Variants in TRPC4 observed in about 807,000 individuals in gnomAD.
The protein encoded by TRPC4 is short transient receptor potential channel 4.
TRPC4 carries 49 observed loss-of-function variants against 99.4 expected under a neutral mutation model. The observed-to-expected ratio is 0.49, with a 90% CI of 0.39 to 0.63. The LOEUF (loss-of-function observed/expected upper bound fraction) is 0.63, where lower values mean the gene tolerates loss of function less well. Ranked by LOEUF, TRPC4 falls within the 20% of genes least tolerant of loss-of-function variation. The pLI is 0.00. For synonymous variants in TRPC4, 454 were observed against 425.9 expected (o/e 1.07, Z -0.81); for missense variants, 898 against 1,152.9 (o/e 0.78, Z 3.20).
chr13:37,777,498 A>G (rs564511353), intron 2 of TRPC4, among the ~76,000 whole-genome samples: 4 of 151,968 alleles, frequency 2.6e-5, no homozygotes, highest in Admixed American at 2.6e-4. Flanking sequence ...ATCACTTTTC[A>G]CCAGCTCCCA....
chr13:37,785,423 C>T (rs1956943476), intron 1 of TRPC4, among the ~76,000 whole-genome samples: 1 of 152,090 alleles, frequency 6.6e-6, no homozygotes, highest in African/African-American at 2.4e-5. Context: ...TATTCAATTT[C>T]AGCATTATGC....
intron 10 of TRPC4, 46 bp downstream of exon 10, chr13:37,638,994 A>G (rs1481933319): frequency 6.3e-7 from 1 of 1,586,514 alleles, no homozygotes; most frequent in South Asian, 1.1e-5. Flanking sequence ...ATCTGGATCC[A>G]TATTCTGCAC....
Position 37,651,413 on chromosome 13 carries a change from A to G in TRPC4, c.1931T>C (p.Met644Thr). Residue 644 changes from methionine (M) to threonine (T), a missense_variant, in exon 8 of 11, where the codon ATG (methionine) becomes ACG (threonine). Met to Thr is a moderately conservative substitution (Grantham distance 81). Around this residue, in one of 3 missense-constraint regions of TRPC4, gnomAD observed 274 missense variants for 454.9 expected, o/e 0.60. Transcript: ENST00000379705. ...EWKFARTKLW[M>T]SYFEEGGTLP... is the part of the protein sequence containing the mutation. ...AGTACCTCCTTCTTCAAAATAACTC[A>G]TCCAAAGCTTTGTTCGTGCAAATTT... 2 of 1,614,044 alleles carry G rather than the reference A, an allele frequency of 1.2e-6. No individual in the cohort carries two copies. The highest frequency in any genetic ancestry group is 1.7e-6 in the Non-Finnish European group (2 of 1,179,958).
In TRPC4 at chr13:37,708,037, C is replaced by T. The variant is rs190306539; in HGVS notation, c.898-15702G>A. On this transcript the variant is annotated intron_variant, in intron 3 of 10. Transcript: ENST00000379705. ...TAACAGTCCTCATGTCTTCCAGCTT[C>T]AACGCCAGCACTCTTTCTCTCCTAA... Among the ~76,000 whole-genome samples the T allele has an allele frequency of 9.2e-5, 14 of 152,146 alleles. No individual in the cohort carries two copies. In the East Asian group the frequency reaches 2.7e-3, roughly 29 times the overall value.
chr13:37,666,547 C>T (rs1216567584), intron 5 of TRPC4, among the ~76,000 whole-genome samples: 3 of 152,166 alleles, frequency 2.0e-5, no homozygotes, highest in Non-Finnish European at 4.4e-5. Flanking sequence ...TAACTATAGT[C>T]ATCATTTAAC....
chr13:37,851,870 T>G (rs1593319001), intron 1 of TRPC4, among the ~76,000 whole-genome samples: 1 of 152,208 alleles, frequency 6.6e-6, no homozygotes. Context: ...TTGAACTCAG[T>G]GCTGCCCTGC....
At position 37,637,573 on chromosome 13, in the gene TRPC4, C is replaced by A; in HGVS notation, c.2264G>T (p.Arg755Ile). The A allele has an allele frequency of 6.2e-7, 1 of 1,611,122 alleles. No homozygotes were observed. The highest frequency in any genetic ancestry group is 8.5e-7 in the Non-Finnish European group (1 of 1,179,028). ...TTGTATTGTGGAAAGTTTGCTTCCTCTTAGTAATCCCAGGACTTCAAAGCG... is the reference window on the plus strand; with the variant it reads ...TTGTATTGTGGAAAGTTTGCTTCCTATTAGTAATCCCAGGACTTCAAAGCG... ...SFRFEVLGLL[R>I]GSKLSTIQSA... The change falls in exon 11 of 11, where the codon AGA becomes ATA. Residue 755 changes from arginine (R) to isoleucine (I), a missense_variant. Coordinates refer to ENST00000379705, the MANE Select transcript of TRPC4 (RefSeq NM_016179.4).
chr13:37,797,711 G>T (rs1957295929), intron 1 of TRPC4, among the ~76,000 whole-genome samples: 5 of 152,084 alleles, frequency 3.3e-5, no homozygotes, highest in Admixed American at 3.3e-4. Context: ...CTTTATAAAG[G>T]TTCATTATGC....
intron 1 of TRPC4, among the ~76,000 whole-genome samples, chr13:37,822,583 C>T (rs1447433508): frequency 3.3e-5 from 5 of 151,662 alleles, no homozygotes; most frequent in African/African-American, 1.2e-4. Context: ...ATCCATGTCC[C>T]TACAAAGGAC....
intron 2 of TRPC4, among the ~76,000 whole-genome samples, chr13:37,768,463 A>G (rs1333330531): frequency 6.6e-6 from 1 of 151,464 alleles, no homozygotes; most frequent in African/African-American, 2.4e-5. Context: ...TTTCACAACT[A>G]AAGAAAATAT....
chr13:37,692,096 C>T lies in TRPC4; in HGVS notation c.1137G>A (p.Leu379=), dbSNP rs758548956. 6.2e-7 allele frequency: 1 copy of T among 1,614,058 alleles called. No homozygotes were observed. The highest frequency in any genetic ancestry group is 1.1e-5 in the South Asian group (1 of 91,080). Residue 379 remains leucine, a synonymous_variant, in exon 4 of 11, where the codon CTG becomes CTA. Transcript: ENST00000379705. ...HTASYLTFLF[L]LLLASQHIDR... is the part of the protein sequence containing the mutation. ...CGATGTGCTGAGAGGCAAGCAGCAG[C>T]AGGAACAAAAAAGTCAAATAGGAGG...
At chr13:37,752,002 A>T (rs1271134397) in intron 2 of TRPC4, among the ~76,000 whole-genome samples, 2 of 144,654 alleles carry the variant, frequency 1.4e-5, no homozygotes, top group Non-Finnish European at 3.0e-5. Flanking sequence ...ACTTTCCAAA[A>T]TCTCAGGGTA....
chr13:37,828,052 C>T (rs1958299806), intron 1 of TRPC4, among the ~76,000 whole-genome samples: 1 of 152,214 alleles, frequency 6.6e-6, no homozygotes, highest in Admixed American at 6.5e-5. Context: ...CCGTCCGTCA[C>T]CCCTTTCTTT....
intron 3 of TRPC4, among the ~76,000 whole-genome samples, chr13:37,745,290 C>A (rs573806582): frequency 6.6e-6 from 1 of 151,356 alleles, no homozygotes; most frequent in African/African-American, 2.4e-5. Flanking sequence ...GTTGGCCCTA[C>A]GGGACCCATG....
chr13:37,742,235 G>T (rs1173460398), intron 3 of TRPC4, among the ~76,000 whole-genome samples: 1 of 152,106 alleles, frequency 6.6e-6, no homozygotes, highest in African/African-American at 2.4e-5. Flanking sequence ...TGAGATTAGA[G>T]AAGTACCAGA....
rs1406114869 is a variant in TRPC4 at position 37,802,096 on chromosome 13, C to T, written c.-27-18736G>A. ...CTAGAAACTGGGTTTAAAATACTTT[C>T]ACTGTTTTCTTTAACTTTTTATTTT... is the stretch of plus-strand genomic sequence containing the variant. On this transcript the variant is annotated intron_variant, in intron 1 of 10. Transcript: ENST00000379705. Among the ~76,000 whole-genome samples the T allele has an allele frequency of 2.0e-5, 3 of 152,086 alleles. No individual in the cohort carries two copies. The East Asian group carries it at 5.8e-4, about 29-fold the overall frequency.
intron 1 of TRPC4, among the ~76,000 whole-genome samples, chr13:37,798,841 T>C (rs1000698096): frequency 6.6e-6 from 1 of 152,162 alleles, no homozygotes; most frequent in African/African-American, 2.4e-5. Context: ...TAGAAATATA[T>C]TTTAGTGAAA....
intron 1 of TRPC4, among the ~76,000 whole-genome samples, chr13:37,849,060 ATT>A (rs1318216637): frequency 6.6e-6 from 1 of 152,126 alleles, no homozygotes; most frequent in Non-Finnish European, 1.5e-5. Context: ...ACTACAGCCC[ATT>A]GCCAGGACCT....
chr13:37,664,777 T>C (rs1322361285), intron 5 of TRPC4, among the ~76,000 whole-genome samples: 1 of 152,232 alleles, frequency 6.6e-6, no homozygotes, highest in East Asian at 1.9e-4. Flanking sequence ...ATGTTTTTTA[T>C]TCTTTTTATA....
Sources: allele counts gnomAD v4.1 joint callset (sites outside exome capture counted in the v4.1 genomes callset), GRCh38; gene constraint gnomAD v4.1.1; regional missense constraint gnomAD v4.1.1; transcripts MANE v1.5; gene names NCBI Gene and HGNC (gene_info 2026-07-23, HGNC 2026-07-21).